The following PRTFDC1 variants were observed in gnomAD, a reference collection of about 807,000 sequenced individuals.
PRTFDC1 encodes the protein phosphoribosyl transferase domain containing 1.
A neutral mutation model predicts 34.6 loss-of-function variants in PRTFDC1; 38 were observed. The ratio of observed to expected loss-of-function variants is 1.10; its 90% CI spans 0.85 to 1.44. The LOEUF (loss-of-function observed/expected upper bound fraction) is 1.44. Among genes scored for constraint, PRTFDC1 ranks in the 40% most tolerant of loss-of-function variants. The pLI, the probability that PRTFDC1 is intolerant of heterozygous loss-of-function variation, is 0.00. For missense variants in PRTFDC1, 270 were observed against 283.0 expected, an observed-to-expected ratio of 0.95 and a Z score of 0.33; for synonymous variants, 93 against 98.1, an observed-to-expected ratio of 0.95 and a Z score of 0.31.
intron 3 of PRTFDC1, among the ~76,000 whole-genome samples, chr10:24,883,024 C>T (rs888533874): frequency 6.8e-6 from 1 of 148,096 alleles, no homozygotes; most frequent in African/African-American, 2.5e-5. Context: ...TACATATATA[C>T]AAATATGTTT....
chr10:24,944,095 C>T (rs549097641), intron 1 of PRTFDC1, among the ~76,000 whole-genome samples: 9 of 152,170 alleles, frequency 5.9e-5, no homozygotes, highest in African/African-American at 2.2e-4. Context: ...CTCTGTATTC[C>T]GAACTCAGAA....
At chr10:24,915,684 T>A (rs550343131) in intron 3 of PRTFDC1, among the ~76,000 whole-genome samples, 1 of 152,356 alleles carries the variant, frequency 6.6e-6, no homozygotes, top group South Asian at 2.1e-4. Flanking sequence ...CTTGTTCTAT[T>A]AACTGCATTC....
chr10:24,851,555 T>C, intron 7 of PRTFDC1, 91 bp from the exon 8 acceptor site: 1 of 1,532,100 alleles, frequency 6.5e-7, no homozygotes. Context: ...CCACTCAAAC[T>C]TGAGGACCTT....
chr10:24,850,608 G>C (rs991264478), intron 8 of PRTFDC1, among the ~76,000 whole-genome samples: 3 of 152,118 alleles, frequency 2.0e-5, no homozygotes, highest in African/African-American at 7.2e-5. Flanking sequence ...CTCTAGCCTA[G>C]GTGAGACTGT....
At chr10:24,948,680 C>G (rs1014380071) in intron 1 of PRTFDC1, among the ~76,000 whole-genome samples, 2 of 152,164 alleles carry the variant, frequency 1.3e-5, no homozygotes, top group African/African-American at 2.4e-5. Flanking sequence ...TCTACCAACT[C>G]GGAATTTTCT....
rs561380839 is a variant in PRTFDC1 at position 24,849,723 on chromosome 10, T to G, written c.*121A>C. The G allele has an allele frequency of 1.2e-6, 1 of 855,700 alleles. No individual in the cohort carries two copies. The highest frequency in any genetic ancestry group is 2.5e-5 in the East Asian group (1 of 40,272). 53.0% of individuals were successfully genotyped at this position (855,700 alleles called of 1,614,324 possible). ...AAAAGAAAGCTCTCTCATTTGAACA[T>G]TTTTTTCTTTTATATCCTGCTGAGT... is the stretch of plus-strand genomic sequence containing the variant. On this transcript the variant is annotated 3_prime_UTR_variant, in exon 9 of 9. Coordinates refer to ENST00000320152, the MANE Select transcript of PRTFDC1 (RefSeq NM_020200.7).
intron 3 of PRTFDC1, among the ~76,000 whole-genome samples, chr10:24,903,586 G>A (rs1848482469): frequency 6.6e-6 from 1 of 152,192 alleles, no homozygotes; most frequent in Admixed American, 6.5e-5. Context: ...GTCCCAGAGA[G>A]TACTGAAGTC....
intron 5 of PRTFDC1, among the ~76,000 whole-genome samples, 182 bp downstream of exon 5, chr10:24,858,209 GC>G (rs1188214597): frequency 6.6e-6 from 1 of 152,140 alleles, no homozygotes; most frequent in Non-Finnish European, 1.5e-5. Flanking sequence ...CTGTTGCAAA[GC>G]TTTTATTCTA....
chr10:24,867,353 G>A lies in PRTFDC1; in HGVS notation c.405+4645C>T, dbSNP rs557374184. On this transcript the variant is annotated intron_variant, in intron 4 of 8. Coordinates refer to ENST00000320152, the MANE Select transcript of PRTFDC1 (RefSeq NM_020200.7). Reference sequence around the variant, plus strand: ...TAGTTCAAGTGCTCCTGCAGGCTCCGCCTACCCCGCCTCCAAACTGCTCTC... The same window carrying A: ...TAGTTCAAGTGCTCCTGCAGGCTCCACCTACCCCGCCTCCAAACTGCTCTC... Among the ~76,000 whole-genome samples, 10 of 152,070 alleles carry A rather than the reference G, an allele frequency of 6.6e-5. No homozygotes were observed. In the South Asian group the frequency reaches 1.9e-3, roughly 28 times the overall value.
intron 4 of PRTFDC1, among the ~76,000 whole-genome samples, chr10:24,869,775 C>T (rs1847844185): frequency 6.6e-6 from 1 of 152,216 alleles, no homozygotes; most frequent in African/African-American, 2.4e-5. Context: ...GTGCTCCTCC[C>T]TCACTCAGCA....
chr10:24,870,599 T>A (rs1346227987), intron 4 of PRTFDC1, among the ~76,000 whole-genome samples: 1 of 152,202 alleles, frequency 6.6e-6, no homozygotes, highest in East Asian at 1.9e-4. Flanking sequence ...CTTATGAATT[T>A]CTGGAAATTA....
chr10:24,857,568 C>T (rs1124120), intron 5 of PRTFDC1, among the ~76,000 whole-genome samples: 30,374 of 151,980 alleles, frequency 0.2, 3,891 homozygotes, highest in Non-Finnish European at 0.26. Context: ...GAATGGGCAG[C>T]GGCGATTTAT....
chr10:24,855,452 G>C, intron 6 of PRTFDC1, 88 bp from the exon 7 acceptor site: 1 of 1,495,288 alleles, frequency 6.7e-7, no homozygotes, highest in Non-Finnish European at 9.3e-7. Context: ...AGATGTACTT[G>C]AAATACATAT....
intron 3 of PRTFDC1, among the ~76,000 whole-genome samples, chr10:24,886,508 C>T (rs1848166187): frequency 1.3e-5 from 2 of 152,196 alleles, no homozygotes; most frequent in Admixed American, 6.5e-5. Context: ...CACAATCTGC[C>T]TTTCAGTGTG....
At chr10:24,917,911 A>C (rs1314927759) in intron 3 of PRTFDC1, among the ~76,000 whole-genome samples, 1 of 152,216 alleles carries the variant, frequency 6.6e-6, no homozygotes, top group Non-Finnish European at 1.5e-5. Context: ...AGAATCTCAT[A>C]TAAAAAGTTT....
intron 3 of PRTFDC1, among the ~76,000 whole-genome samples, chr10:24,904,763 T>C (rs187241047): frequency 1.7e-4 from 26 of 152,346 alleles, no homozygotes; most frequent in African/African-American, 5.3e-4. Flanking sequence ...ATCCTGTCCA[T>C]GTGCCCCTCT....
chr10:24,875,846 GT>G (rs61379088), intron 3 of PRTFDC1, among the ~76,000 whole-genome samples: 18,335 of 96,466 alleles, frequency 0.19, 1,424 homozygotes, highest in Middle Eastern at 0.23. Context: ...AATTCTCATA[GT>G]TTTTTTTTTT....
intron 3 of PRTFDC1, among the ~76,000 whole-genome samples, chr10:24,899,688 A>G (rs1344676323): frequency 1.3e-5 from 2 of 152,216 alleles, no homozygotes; most frequent in Non-Finnish European, 2.9e-5. Context: ...TATACTTTAG[A>G]GACAAAGAAA....
intron 3 of PRTFDC1, among the ~76,000 whole-genome samples, chr10:24,927,965 A>T (rs1848906816): frequency 6.6e-6 from 1 of 152,200 alleles, no homozygotes; most frequent in African/African-American, 2.4e-5. Context: ...TGCAAATAAA[A>T]TTGCTGAAAA....
Sources: allele counts gnomAD v4.1 joint callset (sites outside exome capture counted in the v4.1 genomes callset), GRCh38; gene constraint gnomAD v4.1.1; transcripts MANE v1.5; gene names NCBI Gene and HGNC (gene_info 2026-07-23, HGNC 2026-07-21).